The following CSTPP1 variants were observed in gnomAD, a reference collection of about 807,000 sequenced individuals.
CSTPP1 encodes centriolar satellite-associated tubulin polyglutamylase complex regulator 1.
the CSTPP1 span, among the ~76,000 whole-genome samples, chr11:46,984,519 T>G: frequency 6.6e-6 from 1 of 152,300 alleles, no homozygotes; most frequent in Non-Finnish European, 1.5e-5. Context: ...ACATGCATGG[T>G]CCAATATATT....
the CSTPP1 span, among the ~76,000 whole-genome samples, chr11:47,038,618 G>A: frequency 1.7e-5 from 2 of 114,620 alleles, 1 homozygote; most frequent in Non-Finnish European, 4.2e-5. Context: ...TGGGAGGCTG[G>A]CCGGGCGGGG....
chr11:47,130,632 C>G, the CSTPP1 span: 1 of 140,192 alleles, frequency 7.1e-6, no homozygotes. Flanking sequence ...AGATGTCTTG[C>G]CTCCTTCTTC....
the CSTPP1 span, among the ~76,000 whole-genome samples, chr11:47,130,033 C>T: frequency 2.0e-5 from 3 of 152,000 alleles, no homozygotes; most frequent in Non-Finnish European, 2.9e-5. Context: ...CCGAGGCGGG[C>T]GGACCACGAG....
At chr11:46,942,690 A>G in the CSTPP1 span, among the ~76,000 whole-genome samples, 1 of 152,094 alleles carries the variant, frequency 6.6e-6, no homozygotes, top group Non-Finnish European at 1.5e-5. Flanking sequence ...TATGCCTGGC[A>G]CTGTGGTTTA....
chr11:47,058,255 A>G, the CSTPP1 span, among the ~76,000 whole-genome samples: 1 of 152,154 alleles, frequency 6.6e-6, no homozygotes, highest in Non-Finnish European at 1.5e-5. Context: ...TTGAGCCTGG[A>G]AAGTTGAGGC....
the CSTPP1 span, chr11:47,052,193 A>G: frequency 5.7e-6 from 3 of 526,152 alleles, no homozygotes; most frequent in East Asian, 4.0e-5. Context: ...CTGGCCTCCA[A>G]GAGTTTTCGG....
the CSTPP1 span, among the ~76,000 whole-genome samples, chr11:47,093,294 G>A: frequency 6.6e-6 from 1 of 152,224 alleles, no homozygotes; most frequent in East Asian, 1.9e-4. Context: ...AGAGACTTAA[G>A]CTGAGTTTGG....
At chr11:47,161,098 T>A in the CSTPP1 span, 1 of 1,613,886 alleles carries the variant, frequency 6.2e-7, no homozygotes, top group South Asian at 1.1e-5. Context: ...GCCCTCAGAT[T>A]AACTACTGTG....
chr11:47,163,538 A>G, the CSTPP1 span, among the ~76,000 whole-genome samples: 13 of 152,186 alleles, frequency 8.5e-5, no homozygotes, highest in Admixed American at 8.5e-4. Context: ...CCCCAAGAGA[A>G]AGGGGTGGCC....
the CSTPP1 span, among the ~76,000 whole-genome samples, chr11:46,955,318 G>T: frequency 6.7e-6 from 1 of 149,728 alleles, no homozygotes; most frequent in African/African-American, 2.5e-5. Context: ...AAGTAAGTAG[G>T]TTTGATCCAT....
chr11:47,141,129 T>A, the CSTPP1 span, among the ~76,000 whole-genome samples: 53 of 152,326 alleles, frequency 3.5e-4, no homozygotes, highest in South Asian at 0.011. Flanking sequence ...ACTTCACTCA[T>A]TTAAAGTATA....
At chr11:47,112,467 A>C in the CSTPP1 span, among the ~76,000 whole-genome samples, 2 of 152,012 alleles carry the variant, frequency 1.3e-5, no homozygotes, top group African/African-American at 2.4e-5. Flanking sequence ...GATTACAGGC[A>C]TGCACCACCA....
At chr11:46,983,552 A>T in the CSTPP1 span, among the ~76,000 whole-genome samples, 3 of 152,196 alleles carry the variant, frequency 2.0e-5, no homozygotes, top group African/African-American at 7.2e-5. Context: ...GGGGCAGCTA[A>T]GGTGCCCAGA....
At chr11:46,981,190 C>T in the CSTPP1 span, among the ~76,000 whole-genome samples, 1 of 151,454 alleles carries the variant, frequency 6.6e-6, no homozygotes, top group Non-Finnish European at 1.5e-5. Flanking sequence ...GAAATATTTA[C>T]CATTGGGAAC....
chr11:46,983,525 TG>T, the CSTPP1 span, among the ~76,000 whole-genome samples: 4 of 152,252 alleles, frequency 2.6e-5, no homozygotes, highest in African/African-American at 9.6e-5. Flanking sequence ...CTGTCTTAAA[TG>T]CTTTTCCTTT....
chr11:47,090,947 G>T, the CSTPP1 span, among the ~76,000 whole-genome samples: 4 of 150,336 alleles, frequency 2.7e-5, no homozygotes, highest in Admixed American at 2.7e-4. Flanking sequence ...GCTGAGGCAG[G>T]AGAATGGCAT....
the CSTPP1 span, among the ~76,000 whole-genome samples, chr11:47,099,368 G>A: frequency 1.3e-5 from 2 of 152,056 alleles, no homozygotes; most frequent in African/African-American, 2.4e-5. Context: ...ATGAAGACTC[G>A]CTCTTCTTGG....
the CSTPP1 span, among the ~76,000 whole-genome samples, chr11:47,000,105 AGTG>A: frequency 2.0e-5 from 3 of 152,216 alleles, no homozygotes; most frequent in African/African-American, 7.2e-5. Context: ...TCCTTCAACC[AGTG>A]GAAGGTAAAA....
chr11:47,140,957 C>T, the CSTPP1 span, among the ~76,000 whole-genome samples: 6 of 151,798 alleles, frequency 4.0e-5, no homozygotes, highest in South Asian at 4.2e-4. Context: ...AAAAATTAGC[C>T]GGGCGTGTTG....
Sources: gnomAD v4.1 joint callset for allele counts (sites outside exome capture counted in the v4.1 genomes callset) on GRCh38, gnomAD v4.1.1 for gene constraint, MANE v1.5 for transcripts, NCBI Gene and HGNC (gene_info 2026-07-23, HGNC 2026-07-21) for gene names.